TMEM132D: variants seen among roughly 807,000 people sequenced by gnomAD.
TMEM132D encodes transmembrane protein 132D.
TMEM132D carries 21 observed loss-of-function variants against 62.3 expected under a neutral mutation model. The ratio of observed to expected loss-of-function variants is 0.34; its 90% CI spans 0.24 to 0.49. TMEM132D has a LOEUF of 0.49. Ranked by LOEUF, TMEM132D falls within the 20% of genes least tolerant of loss-of-function variation. The pLI, the probability that TMEM132D is intolerant of heterozygous loss-of-function variation, is 0.99. For synonymous variants in TMEM132D, 621 were observed against 575.6 expected (o/e 1.08, Z -1.13); for missense variants, 1,346 against 1,402.8 (o/e 0.96, Z 0.65).
intron 5 of TMEM132D, among the ~76,000 whole-genome samples, chr12:129,114,316 T>C (rs1398386294): frequency 6.6e-6 from 1 of 152,080 alleles, no homozygotes; most frequent in South Asian, 2.1e-4. Context: ...CATTCTATAA[T>C]GCACAGGACA....
chr12:129,686,309 A>AC (rs1880916736), intron 2 of TMEM132D, among the ~76,000 whole-genome samples: 1 of 152,086 alleles, frequency 6.6e-6, no homozygotes, highest in South Asian at 2.1e-4. Flanking sequence ...GGCAGTGGTT[A>AC]CCCCCATGCC....
In TMEM132D at chr12:129,903,235, G is replaced by C; in HGVS notation, c.79+26C>G. The C allele has an allele frequency of 2.6e-6, 4 of 1,551,238 alleles. No homozygotes were observed. Among genetic ancestry groups the C allele is most frequent in the Non-Finnish European group, 3.5e-6 (4 of 1,146,806 alleles). On this transcript the variant is annotated intron_variant, in intron 1 of 8. Transcript: ENST00000422113. The surrounding 1 kb of genome is among the most constrained non-coding windows in gnomAD (Gnocchi z 6.2). ...TCACTCCAGGCGAAGTTAGTCCCCG[G>C]GCCCTGGCGGCCGCGGCGTCCTCAC...
intron 5 of TMEM132D, 186 bp from the exon 6 acceptor site, chr12:129,084,888 C>G: frequency 1.7e-6 from 1 of 593,932 alleles, no homozygotes; most frequent in Non-Finnish European, 2.9e-6. Flanking sequence ...TAATAGCAGA[C>G]GCTGTTATGA....
chr12:129,655,898 G>A (rs977742827), intron 2 of TMEM132D, among the ~76,000 whole-genome samples: 1 of 152,118 alleles, frequency 6.6e-6, no homozygotes, highest in Admixed American at 6.5e-5. Context: ...TGAGCCCCTC[G>A]GGTTACAGAC....
intron 4 of TMEM132D, among the ~76,000 whole-genome samples, chr12:129,284,004 C>G (rs1367211068): frequency 6.6e-6 from 1 of 152,248 alleles, no homozygotes; most frequent in African/African-American, 2.4e-5. Flanking sequence ...ATTCTTGAAA[C>G]TCATTGTTAG....
At chr12:129,691,968 C>T (rs1162154485) in intron 2 of TMEM132D, among the ~76,000 whole-genome samples, 2 of 151,712 alleles carry the variant, frequency 1.3e-5, no homozygotes, top group Non-Finnish European at 2.9e-5. Flanking sequence ...TTATTAACTC[C>T]CCCAAAAATG....
At chr12:129,595,420 G>C (rs1878309053) in intron 2 of TMEM132D, among the ~76,000 whole-genome samples, 1 of 152,224 alleles carries the variant, frequency 6.6e-6, no homozygotes, top group African/African-American at 2.4e-5. Flanking sequence ...AATGACCACA[G>C]GGGGAGAGAA....
chr12:129,477,967 A>T (rs1874320701), intron 3 of TMEM132D, among the ~76,000 whole-genome samples: 1 of 152,220 alleles, frequency 6.6e-6, no homozygotes, highest in Non-Finnish European at 1.5e-5. Context: ...TGAACATCAT[A>T]GAGTGGACTT....
At chr12:129,772,063 C>T (rs1423664923) in intron 1 of TMEM132D, among the ~76,000 whole-genome samples, 1 of 151,996 alleles carries the variant, frequency 6.6e-6, no homozygotes, top group Non-Finnish European at 1.5e-5. Context: ...CAGAGGTATG[C>T]CTTTTATCAT....
intron 1 of TMEM132D, among the ~76,000 whole-genome samples, chr12:129,715,862 A>G (rs1157431954): frequency 6.6e-6 from 1 of 152,186 alleles, no homozygotes; most frequent in South Asian, 2.1e-4. Flanking sequence ...TAGGAGTCTC[A>G]CTGAGCTCTC....
intron 2 of TMEM132D, among the ~76,000 whole-genome samples, chr12:129,631,570 G>C (rs1352446848): frequency 6.6e-6 from 1 of 152,184 alleles, no homozygotes; most frequent in African/African-American, 2.4e-5. Context: ...CATACACTTA[G>C]AAAAGCAAAG....
At chr12:129,438,785 T>C (rs1355240909) in intron 3 of TMEM132D, among the ~76,000 whole-genome samples, 1 of 152,132 alleles carries the variant, frequency 6.6e-6, no homozygotes, top group Admixed American at 6.5e-5. Context: ...CAGTGATGAG[T>C]AATTTTAAAA....
rs553293251 is a variant in TMEM132D at position 129,567,450 on chromosome 12, T to C, written c.969-36245A>G. Among the ~76,000 whole-genome samples the C allele has an allele frequency of 2.0e-5, 3 of 152,332 alleles. No individual in the cohort carries two copies. In the East Asian group the frequency reaches 5.8e-4, roughly 29 times the overall value. On this transcript the variant is annotated intron_variant, in intron 2 of 8. Transcript: ENST00000422113. ...AAGTTTTAGTGTAGTATTAAAAAAGTATATATGCAATAATCTGAAAAAGCT... is the reference window on the plus strand; with the variant it reads ...AAGTTTTAGTGTAGTATTAAAAAAGCATATATGCAATAATCTGAAAAAGCT...
chr12:129,605,587 T>TTGTATATA lies in TMEM132D; in HGVS notation c.969-74383_969-74382insTATATACA, dbSNP rs1555221320. Reference sequence around the variant, plus strand: ...TTAAATTATTATGGGAAATTAGGCATTATATATATATATATATACACACAC... The same window carrying TTGTATATA: ...TTAAATTATTATGGGAAATTAGGCATTGTATATATATATATATATATATATACACACAC... On this transcript the variant is annotated intron_variant, in intron 2 of 8. Transcript: ENST00000422113. Among the ~76,000 whole-genome samples the TTGTATATA allele has an allele frequency of 2.0e-4, 22 of 107,366 alleles. 2 individuals carry two copies. The highest frequency in any genetic ancestry group is 8.6e-4 in the African/African-American group (22 of 25,722). The allele number at this position is 107,366 out of a possible 152,430, so 70.4% of individuals were successfully genotyped here. A position where few individuals can be genotyped will look rare whatever the true frequency, so the allele number is the denominator to read the frequency against.
chr12:129,354,948 G>T (rs1235663344), intron 3 of TMEM132D, among the ~76,000 whole-genome samples: 1 of 152,216 alleles, frequency 6.6e-6, no homozygotes, highest in Non-Finnish European at 1.5e-5. Flanking sequence ...ATGTAGGGAA[G>T]TATGTTATGC....
chr12:129,711,109 TCACAAG>T (rs1343723887), intron 1 of TMEM132D, among the ~76,000 whole-genome samples: 1 of 152,164 alleles, frequency 6.6e-6, no homozygotes, highest in African/African-American at 2.4e-5. Context: ...CTCAGAGATC[TCACAAG>T]CATCCAAAAC....
intron 2 of TMEM132D, among the ~76,000 whole-genome samples, chr12:129,675,165 T>C (rs1288327032): frequency 6.6e-6 from 1 of 152,164 alleles, no homozygotes; most frequent in East Asian, 1.9e-4. Flanking sequence ...ACAAAGCTTA[T>C]TGAAAATTAT....
rs118115793 is a variant in TMEM132D at position 129,583,801 on chromosome 12, G to C, written c.969-52596C>G. ...AGTGCAGAATCGGGAAAAGGATGTA[G>C]CAGCTTCATAGGCTGTTCACCAACA... On this transcript the variant is annotated intron_variant, in intron 2 of 8. Transcript: ENST00000422113. Among the ~76,000 whole-genome samples the C allele has an allele frequency of 7.1e-3, 1,082 of 152,310 alleles. 6 individuals are homozygous for C. The highest frequency in any genetic ancestry group is 0.051 in the Middle Eastern group (15 of 294).
At chr12:129,775,167 T>C (rs1280457383) in intron 1 of TMEM132D, among the ~76,000 whole-genome samples, 1 of 152,248 alleles carries the variant, frequency 6.6e-6, no homozygotes, top group African/African-American at 2.4e-5. Context: ...ATTCTTCAGC[T>C]GTTCAATCAT....
Sources: gnomAD v4.1 joint callset for allele counts (sites outside exome capture counted in the v4.1 genomes callset) on GRCh38, gnomAD v4.1.1 for gene constraint, Gnocchi (gnomAD v3.1) non-coding constraint, MANE v1.5 for transcripts, NCBI Gene and HGNC (gene_info 2026-07-23, HGNC 2026-07-21) for gene names.